PPP6C: variants seen among roughly 807,000 people sequenced by gnomAD.
PPP6C encodes protein phosphatase 6 catalytic subunit.
Under a neutral mutation model 39.8 loss-of-function variants are expected in PPP6C, and 11 were observed. The ratio of observed to expected loss-of-function variants is 0.28; its 90% CI spans 0.17 to 0.46. The LOEUF (loss-of-function observed/expected upper bound fraction) is 0.46, where lower values mean the gene tolerates loss of function less well. PPP6C is among the 20% of genes least tolerant of loss of function. PPP6C has a pLI of 1.00. For synonymous variants in PPP6C, 129 were observed against 130.3 expected (o/e 0.99, Z 0.07); for missense variants, 211 against 373.9 (o/e 0.56, Z 3.59).
chr9:125,155,641 T>C (rs373368886), intron 4 of PPP6C, among the ~76,000 whole-genome samples: 1 of 152,190 alleles, frequency 6.6e-6, no homozygotes, highest in Non-Finnish European at 1.5e-5. Context: ...CAGTGCCTCA[T>C]GCCTGTAATC....
At position 125,166,034 on chromosome 9, in the gene PPP6C, C is replaced by A. The variant is rs371959592; in HGVS notation, c.171+5051G>T. On this transcript the variant is annotated intron_variant, in intron 2 of 6. Coordinates refer to ENST00000373547, the MANE Select transcript of PPP6C (RefSeq NM_002721.5). ...CTGGTCTCAAACTCCTGGGCTCAAGCGATCCGCTTGCCACGGCCTCCCAAA... is the reference window on the plus strand; with the variant it reads ...CTGGTCTCAAACTCCTGGGCTCAAGAGATCCGCTTGCCACGGCCTCCCAAA... 9.9e-5 allele frequency among the ~76,000 whole-genome samples: 15 copies of A among 152,066 alleles called. 1 individual carries two copies. The South Asian group carries it at 2.9e-3, about 30-fold the overall frequency.
intron 1 of PPP6C, chr9:125,188,895 A>G: frequency 6.5e-7 from 1 of 1,542,650 alleles, no homozygotes; most frequent in Non-Finnish European, 8.8e-7. Context: ...TCTTACTTGG[A>G]CTCAGGAGTA....
chr9:125,150,473 A>AGTGT (rs140185523), intron 6 of PPP6C, among the ~76,000 whole-genome samples: 2 of 151,224 alleles, frequency 1.3e-5, no homozygotes, highest in African/African-American at 4.9e-5. Flanking sequence ...GAAAGTTCAA[A>AGTGT]GTGTGTGTGT....
chr9:125,170,185 C>T (rs1419720159), intron 2 of PPP6C, among the ~76,000 whole-genome samples: 2 of 151,952 alleles, frequency 1.3e-5, no homozygotes, highest in East Asian at 3.8e-4. Context: ...TGAGACTAAA[C>T]ACTGACAACA....
At position 125,184,386 on chromosome 9, in the gene PPP6C, C is replaced by CA. The variant is rs201332022; in HGVS notation, c.75+5257dup. 1.8e-3 allele frequency among the ~76,000 whole-genome samples: 274 copies of CA among 149,696 alleles called. 1 individual carries two copies. The highest frequency in any genetic ancestry group is 0.014 in the Middle Eastern group (4 of 294). On this transcript the variant is annotated intron_variant, in intron 1 of 6. Coordinates refer to ENST00000373547, the MANE Select transcript of PPP6C (RefSeq NM_002721.5). ...CTGGTGACAGAGTGAGACTCCATCTCAAAAATAAAAATAATAATTAATCAG... is the reference window on the plus strand; with the variant it reads ...CTGGTGACAGAGTGAGACTCCATCTCAAAAAATAAAAATAATAATTAATCAG...
chr9:125,167,433 G>A (rs931638845), intron 2 of PPP6C, among the ~76,000 whole-genome samples: 4 of 145,154 alleles, frequency 2.8e-5, no homozygotes, highest in East Asian at 2.1e-4. Context: ...GGTGACTCAC[G>A]CCTGTAATCC....
intron 5 of PPP6C, 31 bp from the exon 6 acceptor site, chr9:125,153,773 A>G: frequency 6.3e-7 from 1 of 1,595,582 alleles, no homozygotes; most frequent in Non-Finnish European, 8.6e-7. Context: ...AGAGTTGAAC[A>G]TATAACCTCA....
At chr9:125,166,960 C>A (rs1829030157) in intron 2 of PPP6C, among the ~76,000 whole-genome samples, 1 of 152,030 alleles carries the variant, frequency 6.6e-6, no homozygotes, top group Non-Finnish European at 1.5e-5. Flanking sequence ...AGTGCAGTGG[C>A]ACAATAATAG....
rs560478497 is a variant in PPP6C at position 125,146,675 on chromosome 9, T to C, written c.*2998A>G. ...ATTTTTTGACAAACTTCCTGTAATC[T>C]TTTTATTAATTTACACTGAGGGAAT... On this transcript the variant is annotated 3_prime_UTR_variant, in exon 7 of 7. Coordinates refer to ENST00000373547, the MANE Select transcript of PPP6C (RefSeq NM_002721.5). 6.6e-6 allele frequency: 1 copy of C among 152,330 alleles called. No individual in the cohort carries two copies. The highest frequency in any genetic ancestry group is 1.9e-4 in the East Asian group (1 of 5,192). 9.4% of individuals were successfully genotyped at this position (152,330 alleles called of 1,614,324 possible).
chr9:125,171,321 G>A (rs554514814), intron 1 of PPP6C, 141 bp from the exon 2 acceptor site: 9 of 600,250 alleles, frequency 1.5e-5, no homozygotes, highest in East Asian at 9.6e-5. Context: ...GTGATAATTC[G>A]GGGGTTGGAT....
intron 2 of PPP6C, among the ~76,000 whole-genome samples, chr9:125,170,102 T>C (rs746889948): frequency 7.9e-5 from 12 of 152,188 alleles, no homozygotes; most frequent in Non-Finnish European, 1.6e-4. Flanking sequence ...CCAACTACAC[T>C]GTATGCATAT....
intron 6 of PPP6C, among the ~76,000 whole-genome samples, chr9:125,152,270 T>C (rs972910484): frequency 3.9e-5 from 6 of 152,078 alleles, no homozygotes; most frequent in African/African-American, 1.4e-4. Flanking sequence ...CTTGATCCTT[T>C]CCTGGCCAAA....
chr9:125,184,035 A>C (rs1273770547), intron 1 of PPP6C, among the ~76,000 whole-genome samples: 1 of 152,068 alleles, frequency 6.6e-6, no homozygotes, highest in Non-Finnish European at 1.5e-5. Flanking sequence ...AAGGCAGGAG[A>C]ATCACCTGAA....
At position 125,149,462 on chromosome 9, in the gene PPP6C, G is replaced by C; in HGVS notation, c.*211C>G. 3.7e-6 allele frequency: 2 copies of C among 535,080 alleles called. No homozygotes were observed. Among genetic ancestry groups the C allele is most frequent in the Non-Finnish European group, 6.4e-6 (2 of 313,204 alleles). The allele number at this position is 535,080 out of a possible 1,614,324, so 33.1% of individuals were successfully genotyped here. ...AGTCTTCTCAAATGAGTCCAGGGTGGGGATGGGATGGGGGAAAATTGATAG... is the reference window on the plus strand; with the variant it reads ...AGTCTTCTCAAATGAGTCCAGGGTGCGGATGGGATGGGGGAAAATTGATAG... On this transcript the variant is annotated 3_prime_UTR_variant, in exon 7 of 7. Transcript: ENST00000373547.
chr9:125,160,729 T>G, intron 3 of PPP6C, 112 bp downstream of exon 3: 1 of 709,060 alleles, frequency 1.4e-6, no homozygotes, highest in Non-Finnish European at 2.1e-6. Flanking sequence ...CATCTTTTAA[T>G]ATACTGAAAT....
chr9:125,182,740 C>T (rs1829444279), intron 1 of PPP6C, among the ~76,000 whole-genome samples: 1 of 148,098 alleles, frequency 6.8e-6, no homozygotes, highest in African/African-American at 2.5e-5. Context: ...AAATCTCCGA[C>T]ATCTACGCCT....
At chr9:125,181,478 T>A (rs1007170365) in intron 1 of PPP6C, among the ~76,000 whole-genome samples, 28 of 152,094 alleles carry the variant, frequency 1.8e-4, no homozygotes, top group African/African-American at 6.3e-4. Flanking sequence ...ATGATATCCC[T>A]CCCTTTACCC....
At chr9:125,149,995 T>C (rs973668953) in intron 6 of PPP6C, 74 bp from the exon 7 acceptor site, 3 of 1,504,000 alleles carry the variant, frequency 2.0e-6, no homozygotes, top group African/African-American at 1.4e-5. Flanking sequence ...TTAAATAAAA[T>C]ACCAAATCCT....
intron 4 of PPP6C, among the ~76,000 whole-genome samples, chr9:125,157,211 C>G (rs1340909511): frequency 6.8e-6 from 1 of 147,624 alleles, no homozygotes; most frequent in African/African-American, 2.5e-5. Flanking sequence ...GAACTCCTGA[C>G]CTCAGGTGAT....
Sources: gnomAD v4.1 joint callset for allele counts (sites outside exome capture counted in the v4.1 genomes callset) on GRCh38, gnomAD v4.1.1 for gene constraint, MANE v1.5 for transcripts, NCBI Gene and HGNC (gene_info 2026-07-23, HGNC 2026-07-21) for gene names.